Variants in PLA2G4A observed in about 807,000 individuals in gnomAD.
PLA2G4A encodes the protein cytosolic phospholipase A2.
In PLA2G4A, 40 loss-of-function variants were observed where a neutral mutation model predicts 81.9. The observed-to-expected ratio is 0.49, with a 90% confidence interval of 0.38 to 0.64. The LOEUF is 0.64. Among genes scored for constraint, PLA2G4A ranks in the 30% least tolerant of loss-of-function variants. The pLI, the probability that PLA2G4A is intolerant of heterozygous loss-of-function variation, is 0.00. For missense variants in PLA2G4A, 715 were observed against 905.1 expected (o/e 0.79, Z 2.69); for synonymous variants, 302 against 296.9 (o/e 1.02, Z -0.18).
chr1:186,850,758 G>T (rs906896808), intron 1 of PLA2G4A, among the ~76,000 whole-genome samples: 1 of 152,040 alleles, frequency 6.6e-6, no homozygotes, highest in Non-Finnish European at 1.5e-5. Flanking sequence ...CACTTGGAGA[G>T]TGTCAAGTAT....
rs750953303 is a variant in PLA2G4A, at chr1:186,983,099, AG to A, written c.2118+3628del. Among the ~76,000 whole-genome samples the A allele has an allele frequency of 1.7e-3, 242 of 143,860 alleles. 4 individuals are homozygous for A. The highest frequency in any genetic ancestry group is 3.7e-3 in the Middle Eastern group (1 of 270). The allele number at this position is 143,860 out of a possible 152,430, so 94.4% of individuals were successfully genotyped here. ...AGTCTGTCTCAAAAAAAAAAAAAAAAGAAAAGAAAAGAAAAGAAAACACATT... is the reference window on the plus strand; with the variant it reads ...AGTCTGTCTCAAAAAAAAAAAAAAAAAAAAGAAAAGAAAAGAAAACACATT... On this transcript the variant is annotated intron_variant, in intron 17 of 17. Transcript: ENST00000367466.
intron 1 of PLA2G4A, among the ~76,000 whole-genome samples, chr1:186,829,543 G>A (rs1333536146): frequency 6.6e-6 from 1 of 151,936 alleles, no homozygotes; most frequent in South Asian, 2.1e-4. Flanking sequence ...AGAATTATGC[G>A]AAAGAAAGAG....
intron 2 of PLA2G4A, among the ~76,000 whole-genome samples, chr1:186,859,628 G>A (rs1042041359): frequency 6.6e-6 from 1 of 151,942 alleles, no homozygotes; most frequent in Non-Finnish European, 1.5e-5. Flanking sequence ...TAAAATACAA[G>A]GGCTTTCAAA....
At position 186,965,270 on chromosome 1, in the gene PLA2G4A, A is replaced by G. The variant is rs1657091019; in HGVS notation, c.1580-139A>G. 8.9e-6 allele frequency: 6 copies of G among 675,116 alleles called. No individual in the cohort carries two copies. The Admixed American group carries it at 1.4e-4, about 16-fold the overall frequency. 41.8% of individuals were successfully genotyped at this position (675,116 alleles called of 1,614,324 possible). ...AATTACAATTGCTAAAGTTGGTTTC[A>G]TGCCCAGCTCTATTTGTCTCCAAAG... On this transcript the variant is annotated intron_variant, in intron 14 of 17. Transcript: ENST00000367466.
At chr1:186,854,127 C>T (rs2102027108) in intron 1 of PLA2G4A, among the ~76,000 whole-genome samples, 159 bp from the exon 2 acceptor site, 1 of 151,930 alleles carries the variant, frequency 6.6e-6, no homozygotes, top group East Asian at 1.9e-4. Flanking sequence ...TACCTTTTCT[C>T]TAAGTGATGT....
intron 2 of PLA2G4A, among the ~76,000 whole-genome samples, chr1:186,858,327 T>C (rs1325959006): frequency 1.3e-5 from 2 of 152,184 alleles, no homozygotes; most frequent in Non-Finnish European, 2.9e-5. Flanking sequence ...TTTCTCATTG[T>C]GGTTTTGATT....
chr1:186,937,309 C>T (rs1444632746), intron 8 of PLA2G4A, among the ~76,000 whole-genome samples: 2 of 151,444 alleles, frequency 1.3e-5, no homozygotes, highest in East Asian at 1.9e-4. Context: ...TCAGAGAGTA[C>T]ATTGTGCATT....
chr1:186,859,214 C>T (rs1571341123), intron 2 of PLA2G4A, among the ~76,000 whole-genome samples: 1 of 152,198 alleles, frequency 6.6e-6, no homozygotes, highest in Admixed American at 6.6e-5. Flanking sequence ...CAGCAATTTG[C>T]AGCCAGCAAG....
At chr1:186,986,516 G>A (rs1303404744) in intron 17 of PLA2G4A, among the ~76,000 whole-genome samples, 2 of 152,124 alleles carry the variant, frequency 1.3e-5, no homozygotes, top group East Asian at 1.9e-4. Context: ...TAGCAGAAAC[G>A]ATTTGCTGAC....
Position 186,912,686 on chromosome 1 carries a change from A to T in PLA2G4A, c.558+1297A>T, listed in dbSNP as rs1654988766. Among the ~76,000 whole-genome samples, 4 of 148,408 alleles carry T rather than the reference A, an allele frequency of 2.7e-5. No individual in the cohort carries two copies. In the South Asian group the frequency reaches 8.4e-4, roughly 31 times the overall value. ...AAATAATATTCCATTGTCTGGATGT[A>T]CCACATTTTATTTACTTATTCATAT... On this transcript the variant is annotated intron_variant, in intron 7 of 17. Coordinates refer to ENST00000367466, the MANE Select transcript of PLA2G4A (RefSeq NM_024420.3).
chr1:186,939,282 T>C (rs754364670), intron 9 of PLA2G4A, 52 bp downstream of exon 9: 2 of 728,126 alleles, frequency 2.7e-6, no homozygotes, highest in Non-Finnish European at 2.3e-6. Context: ...ACAGAACATA[T>C]TATAATATTA....
chr1:186,919,682 C>T (rs1200779614), intron 7 of PLA2G4A, among the ~76,000 whole-genome samples: 1 of 152,192 alleles, frequency 6.6e-6, no homozygotes, highest in African/African-American at 2.4e-5. Context: ...AGGCAAACAG[C>T]TTCTGGCTCT....
chr1:186,874,784 C>A (rs1040590080), intron 3 of PLA2G4A, among the ~76,000 whole-genome samples: 5 of 151,908 alleles, frequency 3.3e-5, no homozygotes, highest in African/African-American at 1.2e-4. Context: ...TGTATTCAAG[C>A]CAATTTTATA....
intron 3 of PLA2G4A, among the ~76,000 whole-genome samples, chr1:186,884,859 T>C (rs1308583945): frequency 1.4e-5 from 2 of 148,142 alleles, no homozygotes; most frequent in African/African-American, 5.0e-5. Context: ...GCCACTGCAC[T>C]CCAGGCTGGT....
intron 7 of PLA2G4A, among the ~76,000 whole-genome samples, chr1:186,916,755 T>C (rs1242874670): frequency 6.6e-6 from 1 of 152,226 alleles, no homozygotes; most frequent in African/African-American, 2.4e-5. Flanking sequence ...TTAAAGTTCC[T>C]AGGCATTCAT....
Position 186,842,339 on chromosome 1 carries a change from G to A in PLA2G4A, c.-69-11947G>A, listed in dbSNP as rs182662127. Among the ~76,000 whole-genome samples the A allele has an allele frequency of 3.1e-4, 47 of 152,050 alleles. No individual in the cohort carries two copies. The South Asian group carries it at 6.4e-3, about 21-fold the overall frequency. On this transcript the variant is annotated intron_variant, in intron 1 of 17. Coordinates refer to ENST00000367466, the MANE Select transcript of PLA2G4A (RefSeq NM_024420.3). The stretch of plus-strand genomic sequence containing the variant: ...ATTACAGGTGTGAGCCACTGCGCCC[G>A]GCTGCATATCATGTCTTATATCACA...
At position 186,988,511 on chromosome 1, in the gene PLA2G4A, C is replaced by T. The variant is rs747354277; in HGVS notation, c.*3C>T. On this transcript the variant is annotated 3_prime_UTR_variant, in exon 18 of 18. Transcript: ENST00000367466. ...TTCTAAGTAAACCCAAAGCATAGTTCATGTACTGGAAATGGCAGCAGTTTC... is the reference window on the plus strand; with the variant it reads ...TTCTAAGTAAACCCAAAGCATAGTTTATGTACTGGAAATGGCAGCAGTTTC... The T allele has an allele frequency of 4.3e-6, 7 of 1,610,352 alleles. No homozygotes were observed. The highest frequency in any genetic ancestry group is 1.7e-5 in the Admixed American group (1 of 59,942).
At chr1:186,896,731 C>A (rs899846582) in intron 5 of PLA2G4A, among the ~76,000 whole-genome samples, 3 of 152,166 alleles carry the variant, frequency 2.0e-5, no homozygotes, top group African/African-American at 7.2e-5. Context: ...GATTATGTAA[C>A]TATTTTTTTT....
chr1:186,910,643 C>A (rs573383755), intron 6 of PLA2G4A, among the ~76,000 whole-genome samples: 1 of 152,184 alleles, frequency 6.6e-6, no homozygotes, highest in East Asian at 1.9e-4. Flanking sequence ...TTGCTACTGC[C>A]TTCATTAGCA....
Sources: allele counts gnomAD v4.1 joint callset (sites outside exome capture counted in the v4.1 genomes callset), GRCh38; gene constraint gnomAD v4.1.1; transcripts MANE v1.5; gene names NCBI Gene and HGNC (gene_info 2026-07-23, HGNC 2026-07-21).